The following BMPR1B variants were observed in gnomAD, a reference collection of about 807,000 sequenced individuals.
BMPR1B encodes bone morphogenetic protein receptor type-1B.
BMPR1B carries 12 observed loss-of-function variants against 59.1 expected under a neutral mutation model. That is an observed-to-expected ratio of 0.20 (90% CI 0.13 to 0.33). BMPR1B has a LOEUF of 0.33. Ranked by LOEUF, BMPR1B falls within the 10% of genes least tolerant of loss-of-function variation. The pLI, the probability that BMPR1B is intolerant of heterozygous loss-of-function variation, is 1.00. For missense variants in BMPR1B, 550 were observed against 610.9 expected, an observed-to-expected ratio of 0.90 and a Z score of 1.05; for synonymous variants, 237 against 207.3, an observed-to-expected ratio of 1.14 and a Z score of -1.23.
intron 1 of BMPR1B, among the ~76,000 whole-genome samples, chr4:94,818,522 C>T (rs1724091759): frequency 6.6e-6 from 1 of 152,154 alleles, no homozygotes; most frequent in Non-Finnish European, 1.5e-5. Flanking sequence ...CTACTATGTG[C>T]CAGAGAGTAT....
chr4:94,813,052 T>C (rs1578672986), intron 1 of BMPR1B, among the ~76,000 whole-genome samples: 1 of 152,116 alleles, frequency 6.6e-6, no homozygotes, highest in South Asian at 2.1e-4. Flanking sequence ...GTTCTAATTT[T>C]ATTAACCAAT....
intron 2 of BMPR1B, among the ~76,000 whole-genome samples, chr4:94,901,599 T>C (rs1265568933): frequency 1.3e-5 from 2 of 151,972 alleles, no homozygotes; most frequent in Non-Finnish European, 2.9e-5. Flanking sequence ...CTTAATCAGT[T>C]CAAAAGCTTG....
intron 2 of BMPR1B, among the ~76,000 whole-genome samples, chr4:94,912,288 G>A (rs1728306827): frequency 6.6e-6 from 1 of 152,052 alleles, no homozygotes; most frequent in African/African-American, 2.4e-5. Flanking sequence ...ATAAATATCT[G>A]TTTTCTCATT....
At chr4:94,860,830 T>C (rs1479141634) in intron 1 of BMPR1B, among the ~76,000 whole-genome samples, 2 of 151,150 alleles carry the variant, frequency 1.3e-5, no homozygotes, top group Admixed American at 6.6e-5. Flanking sequence ...CTTTTATATG[T>C]TGGCTTTTAT....
intron 3 of BMPR1B, among the ~76,000 whole-genome samples, chr4:95,100,478 T>TA (rs1312412106): frequency 4.6e-5 from 7 of 151,850 alleles, no homozygotes; most frequent in East Asian, 1.9e-4. Context: ...TTCCTCTCTA[T>TA]AAAAAAAATT....
chr4:95,136,743 T>C (rs1340278644), intron 10 of BMPR1B, among the ~76,000 whole-genome samples: 1 of 152,206 alleles, frequency 6.6e-6, no homozygotes, highest in East Asian at 1.9e-4. Context: ...TTCTGTGGGA[T>C]CGGTGGTGAT....
intron 4 of BMPR1B, among the ~76,000 whole-genome samples, chr4:95,112,719 C>G (rs1731717089): frequency 6.6e-6 from 1 of 152,064 alleles, no homozygotes; most frequent in East Asian, 1.9e-4. Context: ...TCTTTGCAGA[C>G]AAGGGGTGTG....
At chr4:94,983,358 C>T (rs754971005) in intron 2 of BMPR1B, among the ~76,000 whole-genome samples, 41 of 152,134 alleles carry the variant, frequency 2.7e-4, no homozygotes, top group Admixed American at 2.0e-3. Context: ...ATATATCCAA[C>T]GCTTAAAACT....
At chr4:94,908,230 G>A (rs1489088907) in intron 2 of BMPR1B, among the ~76,000 whole-genome samples, 1 of 151,670 alleles carries the variant, frequency 6.6e-6, no homozygotes, top group Non-Finnish European at 1.5e-5. Context: ...GAATTAGAAG[G>A]TTCGATAGTA....
chr4:94,969,736 A>G (rs13149539), intron 2 of BMPR1B, among the ~76,000 whole-genome samples: 70,728 of 151,974 alleles, frequency 0.47, 16,868 homozygotes, highest in South Asian at 0.6. Context: ...CCCCAGTAGA[A>G]GGTAGGCTTC....
intron 2 of BMPR1B, among the ~76,000 whole-genome samples, chr4:94,986,157 A>G (rs1409951382): frequency 6.6e-6 from 1 of 152,186 alleles, no homozygotes; most frequent in African/African-American, 2.4e-5. Context: ...AAGTAGTTTA[A>G]TTACTATATT....
rs149426505 is a variant in BMPR1B, at chr4:95,143,201, C to T, written c.1077-5547C>T. The stretch of plus-strand genomic sequence containing the variant: ...CGCCATACCAGGCAGCAGTGCTGTG[C>T]TAAGGGGCACGCCAGGGGTGGTACA... On this transcript the variant is annotated intron_variant, in intron 10 of 12. Coordinates refer to ENST00000515059, the MANE Select transcript of BMPR1B (RefSeq NM_001203.3). Among the ~76,000 whole-genome samples the T allele has an allele frequency of 6.1e-4, 93 of 152,334 alleles. No individual in the cohort carries two copies. In the East Asian group the frequency reaches 0.018, roughly 29 times the overall value.
At chr4:94,866,313 C>G (rs1436145685) in intron 1 of BMPR1B, among the ~76,000 whole-genome samples, 1 of 151,948 alleles carries the variant, frequency 6.6e-6, no homozygotes, top group African/African-American at 2.4e-5. Context: ...TGTCAACATC[C>G]ACTTGTATTT....
intron 3 of BMPR1B, among the ~76,000 whole-genome samples, chr4:95,082,679 C>G (rs753676190): frequency 6.6e-6 from 1 of 152,000 alleles, no homozygotes; most frequent in Non-Finnish European, 1.5e-5. Context: ...GTTTTATTAA[C>G]GTAATATTCA....
chr4:95,125,900 C>T (rs755909884), intron 8 of BMPR1B, among the ~76,000 whole-genome samples: 2 of 152,164 alleles, frequency 1.3e-5, no homozygotes, highest in African/African-American at 2.4e-5. Context: ...CTCAACCTGC[C>T]TTCCTGACGT....
intron 2 of BMPR1B, among the ~76,000 whole-genome samples, chr4:94,958,298 T>A (rs1315831715): frequency 6.6e-6 from 1 of 152,212 alleles, no homozygotes; most frequent in Non-Finnish European, 1.5e-5. Context: ...TTGTATATAC[T>A]GTCTGGGCAT....
At chr4:94,967,247 C>A (rs1440876386) in intron 2 of BMPR1B, among the ~76,000 whole-genome samples, 1 of 152,128 alleles carries the variant, frequency 6.6e-6, no homozygotes, top group Non-Finnish European at 1.5e-5. Context: ...AGTAGAAACA[C>A]CTTTAACATC....
At chr4:94,985,673 T>A (rs1222349726) in intron 2 of BMPR1B, among the ~76,000 whole-genome samples, 1 of 152,106 alleles carries the variant, frequency 6.6e-6, no homozygotes, top group African/African-American at 2.4e-5. Context: ...GTTCCTGTGG[T>A]GTTACTGAAA....
intron 2 of BMPR1B, among the ~76,000 whole-genome samples, chr4:94,885,142 A>G (rs902003642): frequency 3.3e-5 from 5 of 152,188 alleles, no homozygotes; most frequent in Non-Finnish European, 7.3e-5. Flanking sequence ...CTGACCACAC[A>G]TGCTTGAGGG....
Sources: allele counts gnomAD v4.1 joint callset (sites outside exome capture counted in the v4.1 genomes callset), GRCh38; gene constraint gnomAD v4.1.1; transcripts MANE v1.5; gene names NCBI Gene and HGNC (gene_info 2026-07-23, HGNC 2026-07-21).